Variants in ARSB observed in about 807,000 individuals in gnomAD.
The protein encoded by ARSB is N-acetylgalactosamine-4-sulfatase.
A neutral mutation model predicts 50.9 loss-of-function variants in ARSB; 41 were observed. That is an observed-to-expected ratio of 0.81 (90% CI 0.63 to 1.04). The LOEUF (loss-of-function observed/expected upper bound fraction) is 1.04. Ranked by LOEUF, ARSB falls within the 50% of genes least tolerant of loss-of-function variation. The pLI, the probability that ARSB is intolerant of heterozygous loss-of-function variation, is 0.00. For synonymous variants in ARSB, 269 were observed against 284.8 expected (o/e 0.94, Z 0.56); for missense variants, 672 against 693.3 (o/e 0.97, Z 0.35).
chr5:78,840,060 T>C (rs974512195), intron 5 of ARSB, among the ~76,000 whole-genome samples: 1 of 152,194 alleles, frequency 6.6e-6, no homozygotes, highest in Non-Finnish European at 1.5e-5. Flanking sequence ...ATGATGAAGG[T>C]ACATAGTAAG....
intron 6 of ARSB, among the ~76,000 whole-genome samples, chr5:78,782,200 A>G (rs1748946033): frequency 6.6e-6 from 1 of 152,236 alleles, no homozygotes; most frequent in African/African-American, 2.4e-5. Flanking sequence ...CAAAGAGATT[A>G]CAACACTAAT....
chr5:78,964,012 C>T (rs337846), intron 3 of ARSB, among the ~76,000 whole-genome samples: 35,041 of 152,040 alleles, frequency 0.23, 4,274 homozygotes, highest in Admixed American at 0.3. Context: ...TCACCTTACA[C>T]CTAAGCCAAT....
At chr5:78,857,304 C>T (rs1746196382) in intron 5 of ARSB, among the ~76,000 whole-genome samples, 1 of 152,146 alleles carries the variant, frequency 6.6e-6, no homozygotes, top group Non-Finnish European at 1.5e-5. Context: ...TCAATATAGT[C>T]AAGTCACACA....
At chr5:78,810,114 C>A (rs753318226) in intron 6 of ARSB, among the ~76,000 whole-genome samples, 4 of 152,212 alleles carry the variant, frequency 2.6e-5, no homozygotes, top group Non-Finnish European at 5.9e-5. Context: ...ATTTCCCGAC[C>A]CCCGCAAGCT....
intron 6 of ARSB, among the ~76,000 whole-genome samples, chr5:78,801,829 G>A (rs954750648): frequency 4.6e-5 from 7 of 152,006 alleles, no homozygotes; most frequent in South Asian, 2.1e-4. Flanking sequence ...AAAATGAAAG[G>A]AGCTGTGGTC....
At chr5:78,919,460 G>A (rs1749702204) in intron 4 of ARSB, among the ~76,000 whole-genome samples, 1 of 152,048 alleles carries the variant, frequency 6.6e-6, no homozygotes, top group South Asian at 2.1e-4. Context: ...ACCACTGAGA[G>A]AGTTACTTAT....
chr5:78,887,243 T>A (rs561286723), intron 4 of ARSB, among the ~76,000 whole-genome samples: 2 of 152,260 alleles, frequency 1.3e-5, no homozygotes, highest in East Asian at 3.9e-4. Context: ...TTGTGCTGCA[T>A]CATAACATGG....
chr5:78,938,557 G>A (rs1056444569), intron 4 of ARSB, among the ~76,000 whole-genome samples: 2 of 152,190 alleles, frequency 1.3e-5, no homozygotes, highest in South Asian at 2.1e-4. Context: ...ATTCATTTAA[G>A]TGTCTGAAGA....
At chr5:78,843,299 G>A (rs1455895473) in intron 5 of ARSB, among the ~76,000 whole-genome samples, 2 of 152,178 alleles carry the variant, frequency 1.3e-5, no homozygotes, top group Non-Finnish European at 2.9e-5. Flanking sequence ...AACCACACTT[G>A]AGGTATCATG....
rs922561706 is a variant in ARSB, at chr5:78,777,450, T to C, written c.*2947A>G. On this transcript the variant is annotated 3_prime_UTR_variant, in exon 8 of 8. Transcript: ENST00000264914. ...ACCCCAAATGGAAGCCCCATACATA[T>C]GGCTGACACATTTTAAAAGATTAAT... 3 of 152,554 alleles carry C rather than the reference T, an allele frequency of 2.0e-5. No homozygotes were observed. The highest frequency in any genetic ancestry group is 4.4e-5 in the Non-Finnish European group (3 of 68,026). 9.5% of individuals were successfully genotyped at this position (152,554 alleles called of 1,614,324 possible).
intron 4 of ARSB, among the ~76,000 whole-genome samples, chr5:78,934,203 G>A (rs1245395952): frequency 6.6e-6 from 1 of 152,130 alleles, no homozygotes; most frequent in Non-Finnish European, 1.5e-5. Context: ...TAATGGTGAG[G>A]TACAGTTTAC....
intron 6 of ARSB, among the ~76,000 whole-genome samples, chr5:78,811,132 T>A (rs1402953853): frequency 6.6e-6 from 1 of 152,204 alleles, no homozygotes; most frequent in Non-Finnish European, 1.5e-5. Flanking sequence ...CATCCTATCA[T>A]CATGTTAGGT....
At chr5:78,841,465 A>G (rs1488069389) in intron 5 of ARSB, among the ~76,000 whole-genome samples, 1 of 152,190 alleles carries the variant, frequency 6.6e-6, no homozygotes, top group Non-Finnish European at 1.5e-5. Context: ...TACTGATTAA[A>G]TTTAGATTTA....
At chr5:78,914,848 G>A (rs1252812742) in intron 4 of ARSB, among the ~76,000 whole-genome samples, 1 of 152,096 alleles carries the variant, frequency 6.6e-6, no homozygotes. Flanking sequence ...TCTGTTTTCA[G>A]TAGAGGCAGG....
At chr5:78,938,246 T>C (rs1172363199) in intron 4 of ARSB, among the ~76,000 whole-genome samples, 2 of 152,212 alleles carry the variant, frequency 1.3e-5, no homozygotes, top group East Asian at 3.8e-4. Context: ...TTCAGTAAAA[T>C]GTATTGGTTA....
chr5:78,954,104 G>GA (rs888188277), intron 4 of ARSB, among the ~76,000 whole-genome samples: 24 of 149,336 alleles, frequency 1.6e-4, no homozygotes, highest in South Asian at 6.3e-4. Context: ...ACAGGAGAGG[G>GA]AAAAAAAAAA....
chr5:78,967,113 G>T (rs1752241393), intron 2 of ARSB, among the ~76,000 whole-genome samples: 1 of 152,052 alleles, frequency 6.6e-6, no homozygotes, highest in South Asian at 2.1e-4. Context: ...TACTTTTACT[G>T]AATTGCACTT....
At chr5:78,805,581 A>G (rs1437759284) in intron 6 of ARSB, among the ~76,000 whole-genome samples, 1 of 152,044 alleles carries the variant, frequency 6.6e-6, no homozygotes, top group East Asian at 1.9e-4. Context: ...AGCAAGGCTC[A>G]CTCTTCTCAG....
intron 5 of ARSB, among the ~76,000 whole-genome samples, chr5:78,848,923 T>C (rs1745598912): frequency 6.6e-6 from 1 of 152,226 alleles, no homozygotes; most frequent in Non-Finnish European, 1.5e-5. Context: ...CGTTGTTTTT[T>C]CTCGTAAATT....
Sources: allele counts gnomAD v4.1 joint callset (sites outside exome capture counted in the v4.1 genomes callset), GRCh38; gene constraint gnomAD v4.1.1; transcripts MANE v1.5; gene names NCBI Gene and HGNC (gene_info 2026-07-23, HGNC 2026-07-21).